DLGAP1: variants seen among roughly 807,000 people sequenced by gnomAD.
The protein encoded by DLGAP1 is disks large-associated protein 1.
In DLGAP1, 11 loss-of-function variants were observed where a neutral mutation model predicts 90.8. That is an observed-to-expected ratio of 0.12 (90% confidence interval 0.08 to 0.20). DLGAP1 has a LOEUF of 0.20. Among genes scored for constraint, DLGAP1 ranks in the 10% least tolerant of loss-of-function variants. The pLI, the probability that DLGAP1 is intolerant of heterozygous loss-of-function variation, is 1.00. For missense variants in DLGAP1, 1,050 were observed against 1,333.8 expected, an observed-to-expected ratio of 0.79 and a Z score of 3.31; for synonymous variants, 558 against 540.7, an observed-to-expected ratio of 1.03 and a Z score of -0.44.
At chr18:3,983,505 G>A (rs974019487) in intron 3 of DLGAP1, 1 of 152,150 alleles carries the variant, frequency 6.6e-6, no homozygotes, top group African/African-American at 2.4e-5. Context: ...TATTTTCCAT[G>A]AAGTAATGTA....
intron 1 of DLGAP1, among the ~76,000 whole-genome samples, chr18:4,200,347 T>C (rs1314879712): frequency 2.0e-5 from 3 of 151,850 alleles, no homozygotes; most frequent in African/African-American, 7.2e-5. Flanking sequence ...TTACCAGATT[T>C]TTATATACTT....
At chr18:4,257,099 G>GAT (rs1448797000) in intron 1 of DLGAP1, among the ~76,000 whole-genome samples, 1 of 152,230 alleles carries the variant, frequency 6.6e-6, no homozygotes, top group Non-Finnish European at 1.5e-5. Context: ...GAGTAAGGGA[G>GAT]ATAGTTATGG....
chr18:3,652,724 A>AT (rs903125635), intron 7 of DLGAP1, among the ~76,000 whole-genome samples: 3 of 152,096 alleles, frequency 2.0e-5, no homozygotes, highest in Admixed American at 2.0e-4. Context: ...GACAACCTTC[A>AT]TTTTTTTCAT....
intron 3 of DLGAP1, among the ~76,000 whole-genome samples, chr18:3,925,731 A>G (rs1445264225): frequency 6.6e-6 from 1 of 152,236 alleles, no homozygotes; most frequent in Non-Finnish European, 1.5e-5. Context: ...ATAAAGCTCA[A>G]GTTGTTCTCA....
intron 4 of DLGAP1, among the ~76,000 whole-genome samples, chr18:3,868,739 A>G (rs2070558902): frequency 6.6e-6 from 1 of 152,242 alleles, no homozygotes; most frequent in African/African-American, 2.4e-5. Flanking sequence ...TAGACTGCCC[A>G]AAGTCACAGG....
At chr18:3,852,784 A>G (rs7238219) in intron 4 of DLGAP1, among the ~76,000 whole-genome samples, 40,833 of 151,972 alleles carry the variant, frequency 0.27, 5,610 homozygotes, top group South Asian at 0.34. Flanking sequence ...ATCTTTAAGC[A>G]CTGAGAGTTA....
intron 11 of DLGAP1, among the ~76,000 whole-genome samples, chr18:3,503,698 A>G (rs930180656): frequency 6.6e-6 from 1 of 152,224 alleles, no homozygotes; most frequent in African/African-American, 2.4e-5. Flanking sequence ...TAAAAATGAT[A>G]TCAGAATTTT....
chr18:3,824,026 G>A (rs1598891547), intron 4 of DLGAP1, among the ~76,000 whole-genome samples: 1 of 150,338 alleles, frequency 6.7e-6, no homozygotes, highest in East Asian at 1.9e-4. Context: ...TGACTATATA[G>A]GAGATAAGCT....
chr18:4,384,935 G>C (rs2082199767), intron 1 of DLGAP1, among the ~76,000 whole-genome samples: 1 of 152,014 alleles, frequency 6.6e-6, no homozygotes, highest in Admixed American at 6.6e-5. Flanking sequence ...TCCAACCCCT[G>C]CTCCTTTTCT....
At chr18:4,347,130 G>A (rs1250598083) in intron 1 of DLGAP1, among the ~76,000 whole-genome samples, 12 of 152,182 alleles carry the variant, frequency 7.9e-5, no homozygotes, top group South Asian at 2.1e-4. Flanking sequence ...AGAGAATCAC[G>A]TGTACTAAAA....
At chr18:4,324,285 G>A (rs2080765263) in intron 1 of DLGAP1, among the ~76,000 whole-genome samples, 1 of 150,026 alleles carries the variant, frequency 6.7e-6, no homozygotes, top group Admixed American at 6.7e-5. Flanking sequence ...ATAAATTCTT[G>A]GACACATACA....
chr18:3,537,628 C>A (rs939575329), intron 9 of DLGAP1, among the ~76,000 whole-genome samples: 1 of 152,086 alleles, frequency 6.6e-6, no homozygotes, highest in Non-Finnish European at 1.5e-5. Flanking sequence ...ATATATATCC[C>A]GAGGTAGAAC....
At chr18:3,754,082 C>G (rs1399404501) in intron 5 of DLGAP1, among the ~76,000 whole-genome samples, 2 of 152,156 alleles carry the variant, frequency 1.3e-5, no homozygotes, top group Non-Finnish European at 2.9e-5. Context: ...CTCACTGCAG[C>G]CTTAACTTCT....
chr18:3,917,319 G>C (rs1429458283), intron 3 of DLGAP1, among the ~76,000 whole-genome samples: 1 of 151,646 alleles, frequency 6.6e-6, no homozygotes, highest in Non-Finnish European at 1.5e-5. Flanking sequence ...ATTTGCATTA[G>C]GGGCTGAGGA....
At chr18:4,403,484 TAACAA>T (rs1364246847) in intron 1 of DLGAP1, among the ~76,000 whole-genome samples, 1 of 152,186 alleles carries the variant, frequency 6.6e-6, no homozygotes, top group African/African-American at 2.4e-5. Flanking sequence ...AAATTCTCCT[TAACAA>T]AACAATTTTT....
intron 2 of DLGAP1, among the ~76,000 whole-genome samples, chr18:4,011,538 T>C (rs11081088): frequency 0.27 from 40,773 of 151,704 alleles, 6,763 homozygotes; most frequent in African/African-American, 0.47. Context: ...TCCTCTGGGC[T>C]GGGCATGGTG....
intron 1 of DLGAP1, among the ~76,000 whole-genome samples, chr18:4,292,384 T>A (rs532283893): frequency 6.6e-6 from 1 of 152,128 alleles, no homozygotes; most frequent in South Asian, 2.1e-4. Flanking sequence ...GCTACCAAGT[T>A]TTTTTTTCAT....
rs1359940227 is a variant in DLGAP1, at chr18:3,942,578, C to A, written c.-72-62438G>T. 2.0e-5 allele frequency among the ~76,000 whole-genome samples: 3 copies of A among 152,150 alleles called. No homozygotes were observed. The East Asian group carries it at 5.8e-4, about 29-fold the overall frequency. ...ACCAAATTTGTCTTAGGAAGGGCTGCAGTAACTTGGTCTCCCATCCGTCCA... is the reference window on the plus strand; with the variant it reads ...ACCAAATTTGTCTTAGGAAGGGCTGAAGTAACTTGGTCTCCCATCCGTCCA... On this transcript the variant is annotated intron_variant, in intron 3 of 12. Coordinates refer to ENST00000315677, the MANE Select transcript of DLGAP1 (RefSeq NM_004746.4).
chr18:4,310,712 G>C lies in DLGAP1; in HGVS notation c.-267+144294C>G, dbSNP rs1188192694. ...TGGCATATAACGATGCACTCAGTAG[G>C]TAAGAGCACAAGATACTTATCTAGA... On this transcript the variant is annotated intron_variant, in intron 1 of 12. Transcript: ENST00000315677. Among the ~76,000 whole-genome samples the C allele has an allele frequency of 2.6e-5, 4 of 152,148 alleles. 1 individual carries two copies. The highest frequency in any genetic ancestry group is 5.9e-5 in the Non-Finnish European group (4 of 68,024).
Sources: gnomAD v4.1 joint callset for allele counts (sites outside exome capture counted in the v4.1 genomes callset) on GRCh38, gnomAD v4.1.1 for gene constraint, MANE v1.5 for transcripts, NCBI Gene and HGNC (gene_info 2026-07-23, HGNC 2026-07-21) for gene names.